The following PDZD9 variants were observed in gnomAD, a reference collection of about 807,000 sequenced individuals.
The protein encoded by PDZD9 is PDZ domain containing 9.
Under a neutral mutation model 16.3 loss-of-function variants are expected in PDZD9, and 13 were observed. The observed-to-expected ratio is 0.80, with a 90% CI of 0.52 to 1.27. The LOEUF is 1.27. Among genes scored for constraint, PDZD9 ranks in the 50% most tolerant of loss-of-function variants. PDZD9 has a pLI of 0.00. For missense variants in PDZD9, 288 were observed against 310.9 expected, an observed-to-expected ratio of 0.93 and a Z score of 0.55; for synonymous variants, 120 against 111.0, an observed-to-expected ratio of 1.08 and a Z score of -0.51.
the PDZD9 span, chr16:21,976,031 C>T: frequency 5.2e-6 from 3 of 573,192 alleles, no homozygotes; most frequent in Non-Finnish European, 9.4e-6. Flanking sequence ...GTGATGACAG[C>T]ATTCCGCATG....
chr16:21,991,237 T>C (rs1899014461), intron 2 of PDZD9, among the ~76,000 whole-genome samples: 1 of 148,652 alleles, frequency 6.7e-6, no homozygotes, highest in South Asian at 2.1e-4. Flanking sequence ...ATTAATTTCT[T>C]TTTTTTTTTT....
At chr16:21,962,724 T>G in the PDZD9 span, 253 of 1,612,866 alleles carry the variant, frequency 1.6e-4, no homozygotes, top group Non-Finnish European at 2.1e-4. Context: ...GGCTTTACAT[T>G]TTTGACTCAT....
At chr16:21,988,362 G>T (rs1898934021) in intron 3 of PDZD9, among the ~76,000 whole-genome samples, 1 of 152,066 alleles carries the variant, frequency 6.6e-6, no homozygotes, top group South Asian at 2.1e-4. Flanking sequence ...ATACAGGTAG[G>T]CATGGGGACA....
the PDZD9 span, chr16:21,965,499 A>G: frequency 3.1e-6 from 5 of 1,594,314 alleles, no homozygotes; most frequent in Non-Finnish European, 4.3e-6. Flanking sequence ...AAGTGACATC[A>G]GAGGAGGTAC....
intron 1 of PDZD9, among the ~76,000 whole-genome samples, chr16:21,996,891 G>C (rs1369649586): frequency 6.6e-5 from 10 of 152,142 alleles, no homozygotes; most frequent in Non-Finnish European, 2.9e-5. Flanking sequence ...AGCATTATCA[G>C]GGCTCACTGC....
the PDZD9 span, chr16:21,971,635 C>A: frequency 2.5e-6 from 4 of 1,610,538 alleles, no homozygotes; most frequent in South Asian, 4.4e-5. Flanking sequence ...GCATTTCATT[C>A]TATTAGGGTT....
At chr16:21,990,628 G>A (rs1228890032) in intron 2 of PDZD9, among the ~76,000 whole-genome samples, 1 of 152,168 alleles carries the variant, frequency 6.6e-6, no homozygotes, top group Non-Finnish European at 1.5e-5. Context: ...TCATCCTACT[G>A]AGGTTAATTA....
chr16:21,972,142 ATCTC>A, the PDZD9 span: 1 of 1,604,874 alleles, frequency 6.2e-7, no homozygotes, highest in Non-Finnish European at 8.5e-7. Flanking sequence ...AACAGTTGGT[ATCTC>A]TCTTTTTGCT....
At chr16:21,981,182 C>T (rs1898717432), downstream of PDZD9, among the ~76,000 whole-genome samples, 1 of 152,186 alleles carries the variant, frequency 6.6e-6, no homozygotes, top group Admixed American at 6.5e-5. Flanking sequence ...CTTTACTCTT[C>T]TCAGCCTAGG....
chr16:21,987,063 C>T (rs566536276), intron 3 of PDZD9, among the ~76,000 whole-genome samples: 45 of 152,256 alleles, frequency 3.0e-4, no homozygotes, highest in Admixed American at 5.2e-4. Context: ...GACATTTATC[C>T]AAAGAACAAA....
Position 21,984,423 on chromosome 16 carries a change from C to A in PDZD9, c.639G>T (p.Lys213Asn), listed in dbSNP as rs548701580. The change falls in exon 4 of 4, where the codon AAG becomes AAT. Residue 213 changes from lysine (K) to asparagine (N), a missense_variant. Physicochemically the swap from Lys to Asn is moderately conservative, Grantham distance 94 (BLOSUM62 0). Transcript: ENST00000424898. ...NCDVMIHRDD[K>N]KEVRAPSPYW... ...ATGGAGAAGGGGCCCTCACTTCTTT[C>A]TTGTCGTCTCTGTGAATCATCACGT... 57 of 1,614,024 alleles carry A rather than the reference C, an allele frequency of 3.5e-5. No homozygotes were observed. Among genetic ancestry groups the A allele is most frequent in the Non-Finnish European group, 4.6e-5 (54 of 1,180,016 alleles).
chr16:21,984,128 A>G lies in PDZD9; in HGVS notation c.*139T>C. ...GATAATCCTGTTGAAGAACATCTCTAAAGGCTTTATAACGCAGTCATAAGA... is the reference window on the plus strand; with the variant it reads ...GATAATCCTGTTGAAGAACATCTCTGAAGGCTTTATAACGCAGTCATAAGA... On this transcript the variant is annotated 3_prime_UTR_variant, in exon 4 of 4. Transcript: ENST00000424898. 1 of 917,902 alleles carries G rather than the reference A, an allele frequency of 1.1e-6. No homozygotes were observed. Among genetic ancestry groups the G allele is most frequent in the Non-Finnish European group, 1.6e-6 (1 of 625,980 alleles). The allele number at this position is 917,902 out of a possible 1,614,324, so 56.9% of individuals were successfully genotyped here.
rs557264062 is a variant in PDZD9 at position 21,996,465 on chromosome 16, T to G, written c.68A>C (p.His23Pro). The G allele has an allele frequency of 6.5e-7, 1 of 1,536,058 alleles. No homozygotes were observed. Among genetic ancestry groups the G allele is most frequent in the East Asian group, 2.4e-5 (1 of 40,912 alleles). The change falls in exon 2 of 4, where the codon CAC becomes CCC. Residue 23 changes from histidine to proline, a missense_variant. His to Pro is a moderately conservative substitution (Grantham distance 77, BLOSUM62 -2). Coordinates refer to ENST00000424898, the MANE Select transcript of PDZD9 (RefSeq NM_001363519.1). ...GGTCTGCTGTGTTTTGCTCAAGTTG[T>G]GTACAGATGTTTTGACCTTGTTGCT... ...GVSNKVKTSV[H>P]NLSKTQQTKL...
At chr16:21,971,798 T>C in the PDZD9 span, 53 of 1,403,556 alleles carry the variant, frequency 3.8e-5, no homozygotes, top group African/African-American at 6.9e-4. Context: ...CAGGATGGCA[T>C]GGGGAAAGCA....
the PDZD9 span, chr16:21,963,361 CTTT>C: frequency 2.0e-5 from 3 of 152,358 alleles, no homozygotes; most frequent in Non-Finnish European, 4.4e-5. Flanking sequence ...ATTTATTATT[CTTT>C]TGTTTCTAAA....
the PDZD9 span, among the ~76,000 whole-genome samples, chr16:21,960,423 C>T: frequency 3.9e-5 from 6 of 152,174 alleles, no homozygotes; most frequent in Admixed American, 6.5e-5. Flanking sequence ...CTGGATTAAG[C>T]TTTGACTTAA....
the PDZD9 span, chr16:21,971,467 T>G: frequency 1.6e-4 from 225 of 1,378,614 alleles, no homozygotes; most frequent in South Asian, 2.6e-3. Flanking sequence ...AAAAAATATT[T>G]TACGATTGTG....
chr16:21,961,339 A>G, the PDZD9 span: 2 of 448,084 alleles, frequency 4.5e-6, no homozygotes, highest in Non-Finnish European at 9.0e-6. Context: ...GAAATGGGTA[A>G]AGTATGACAG....
intron 2 of PDZD9, among the ~76,000 whole-genome samples, chr16:21,989,495 G>C (rs1898971341): frequency 6.6e-6 from 1 of 152,132 alleles, no homozygotes; most frequent in Non-Finnish European, 1.5e-5. Context: ...ACTAAGTGGT[G>C]AATAAATGAC....
Sources: allele counts gnomAD v4.1 joint callset (sites outside exome capture counted in the v4.1 genomes callset), GRCh38; gene constraint gnomAD v4.1.1; transcripts MANE v1.5; gene names NCBI Gene and HGNC (gene_info 2026-07-23, HGNC 2026-07-21).